GABRB2: variants seen among roughly 807,000 people sequenced by gnomAD.
GABRB2 encodes gamma-aminobutyric acid receptor subunit beta-2.
A neutral mutation model predicts 54.7 loss-of-function variants in GABRB2; 16 were observed. The observed-to-expected ratio is 0.29, with a 90% CI of 0.20 to 0.44. The LOEUF (loss-of-function observed/expected upper bound fraction) is 0.44. GABRB2 is among the 20% of genes least tolerant of loss of function. The pLI, the probability that GABRB2 is intolerant of heterozygous loss-of-function variation, is 1.00. For missense variants in GABRB2, 355 were observed against 644.0 expected (o/e 0.55, Z 4.86); for synonymous variants, 244 against 233.8 (o/e 1.04, Z -0.40).
intron 3 of GABRB2, among the ~76,000 whole-genome samples, chr5:161,471,652 A>T (rs1454745802): frequency 6.6e-6 from 1 of 152,000 alleles, no homozygotes; most frequent in Non-Finnish European, 1.5e-5. Context: ...CTTCTAGGTG[A>T]TAACGGGACT....
At chr5:161,528,327 TG>T (rs1760347059) in intron 3 of GABRB2, among the ~76,000 whole-genome samples, 1 of 151,802 alleles carries the variant, frequency 6.6e-6, no homozygotes, top group Non-Finnish European at 1.5e-5. Flanking sequence ...TTGTTTATTA[TG>T]TTTACCGATT....
At chr5:161,362,913 C>G (rs1049939885) in intron 5 of GABRB2, among the ~76,000 whole-genome samples, 1 of 152,144 alleles carries the variant, frequency 6.6e-6, no homozygotes, top group Non-Finnish European at 1.5e-5. Context: ...AATAGGAATG[C>G]TTTTACACTG....
chr5:161,442,750 C>A (rs945133771), intron 4 of GABRB2, among the ~76,000 whole-genome samples: 5 of 151,368 alleles, frequency 3.3e-5, no homozygotes, highest in South Asian at 2.1e-4. Flanking sequence ...CTTTTCAATT[C>A]TCTCTCTCTC....
chr5:161,344,979 G>T (rs1031186801), intron 5 of GABRB2, among the ~76,000 whole-genome samples: 7 of 152,038 alleles, frequency 4.6e-5, no homozygotes, highest in African/African-American at 1.7e-4. Context: ...TCACTCATAA[G>T]TGGGAGTTGA....
intron 4 of GABRB2, among the ~76,000 whole-genome samples, chr5:161,436,314 C>T (rs187373356): frequency 3.9e-5 from 6 of 152,144 alleles, no homozygotes; most frequent in East Asian, 3.9e-4. Context: ...GGGTGGATTA[C>T]GAGGTCAGTA....
intron 4 of GABRB2, among the ~76,000 whole-genome samples, chr5:161,455,283 G>A (rs545447248): frequency 9.9e-5 from 15 of 152,160 alleles, no homozygotes; most frequent in African/African-American, 1.2e-4. Context: ...ACCCCTCTCC[G>A]GATAATGGAT....
At chr5:161,321,256 C>T (rs1758200178) in intron 9 of GABRB2, among the ~76,000 whole-genome samples, 1 of 152,036 alleles carries the variant, frequency 6.6e-6, no homozygotes, top group African/African-American at 2.4e-5. Flanking sequence ...TACTAAGTTC[C>T]TGTTATAAAT....
intron 4 of GABRB2, among the ~76,000 whole-genome samples, chr5:161,428,289 G>GTGTGTC (rs2113166140): frequency 1.8e-5 from 1 of 54,676 alleles, no homozygotes; most frequent in Admixed American, 1.8e-4. Flanking sequence ...AGAGAGTTAC[G>GTGTGTC]TGTGTGTGTG....
intron 4 of GABRB2, among the ~76,000 whole-genome samples, chr5:161,436,531 G>GAAA (rs35559735): frequency 1.1e-4 from 14 of 124,462 alleles, no homozygotes; most frequent in East Asian, 2.4e-4. Context: ...AGACGCTGTC[G>GAAA]AAAAAAAAAA....
chr5:161,380,877 G>C (rs1353852894), intron 5 of GABRB2, among the ~76,000 whole-genome samples: 1 of 151,850 alleles, frequency 6.6e-6, no homozygotes, highest in Non-Finnish European at 1.5e-5. Flanking sequence ...AAAAAAAAAG[G>C]GCTTTACTGA....
chr5:161,320,349 T>C (rs1015504367), intron 9 of GABRB2, among the ~76,000 whole-genome samples: 7 of 144,196 alleles, frequency 4.9e-5, no homozygotes, highest in Non-Finnish European at 7.6e-5. Flanking sequence ...TTCTTCAATT[T>C]AATTTTTATT....
rs147491206 is a variant in GABRB2 at position 161,406,924 on chromosome 5, T to C, written c.541+4051A>G. Among the ~76,000 whole-genome samples the C allele has an allele frequency of 2.0e-3, 309 of 152,196 alleles. 3 individuals are homozygous for C. The highest frequency in any genetic ancestry group is 6.9e-3 in the African/African-American group (288 of 41,542). On this transcript the variant is annotated intron_variant, in intron 5 of 9. Coordinates refer to ENST00000393959, the MANE Select transcript of GABRB2 (RefSeq NM_001371727.1). ...AGTTCTTTGTAGATCCCACTATGGC[T>C]GAGATTGACTGAGAAATCCACAATG... is the stretch of plus-strand genomic sequence containing the variant.
chr5:161,505,352 A>G (rs1759574854), intron 3 of GABRB2, among the ~76,000 whole-genome samples: 2 of 151,896 alleles, frequency 1.3e-5, no homozygotes, highest in South Asian at 4.1e-4. Context: ...GCTGGTCTTG[A>G]ACTCCTGAGC....
At chr5:161,385,968 G>A (rs1163098700) in intron 5 of GABRB2, among the ~76,000 whole-genome samples, 2 of 150,674 alleles carry the variant, frequency 1.3e-5, no homozygotes, top group Non-Finnish European at 3.0e-5. Context: ...GTGTGTGTGT[G>A]TGTGTGTGTG....
At chr5:161,433,445 C>CAAA (rs11354322) in intron 4 of GABRB2, among the ~76,000 whole-genome samples, 1 of 121,850 alleles carries the variant, frequency 8.2e-6, no homozygotes. Context: ...ACTAAAAATA[C>CAAA]AAAAAAAAAA....
intron 5 of GABRB2, among the ~76,000 whole-genome samples, chr5:161,357,519 CAAAA>C (rs11423363): frequency 7.1e-6 from 1 of 140,802 alleles, no homozygotes; most frequent in Non-Finnish European, 1.5e-5. Flanking sequence ...GAGTTTTGAG[CAAAA>C]AAAAAAAAAA....
chr5:161,312,630 T>C (rs1757904828), intron 9 of GABRB2, among the ~76,000 whole-genome samples: 1 of 152,188 alleles, frequency 6.6e-6, no homozygotes, highest in African/African-American at 2.4e-5. Context: ...CTTTTTCACG[T>C]TAGTAAAATT....
rs535604602 is a variant in GABRB2, at chr5:161,291,382, T to A, written c.*2699A>T. 1 of 152,170 alleles carries A rather than the reference T, an allele frequency of 6.6e-6. No homozygotes were observed. Among genetic ancestry groups the A allele is most frequent in the Admixed American group, 6.6e-5 (1 of 15,258 alleles). 9.4% of individuals were successfully genotyped at this position (152,170 alleles called of 1,614,324 possible). On this transcript the variant is annotated 3_prime_UTR_variant, in exon 10 of 10. Coordinates refer to ENST00000393959, the MANE Select transcript of GABRB2 (RefSeq NM_001371727.1). ...TCAAGCTGACTGGTCTTCCTAGACT[T>A]ATCAGGTCTAGCACCCCTCCTCGCA...
chr5:161,449,697 G>T (rs953174622), intron 4 of GABRB2, among the ~76,000 whole-genome samples: 6 of 151,994 alleles, frequency 3.9e-5, no homozygotes, highest in African/African-American at 1.5e-4. Flanking sequence ...ATGGGTGTGT[G>T]TACTACACAT....
Sources: gnomAD v4.1 joint callset for allele counts (sites outside exome capture counted in the v4.1 genomes callset) on GRCh38, gnomAD v4.1.1 for gene constraint, MANE v1.5 for transcripts, NCBI Gene and HGNC (gene_info 2026-07-23, HGNC 2026-07-21) for gene names.